The following PDZRN3 variants were observed in gnomAD, a reference collection of about 807,000 sequenced individuals.
The protein encoded by PDZRN3 is E3 ubiquitin-protein ligase PDZRN3.
In PDZRN3, 38 loss-of-function variants were observed where a neutral mutation model predicts 85.7. The observed-to-expected ratio is 0.44, with a 90% CI of 0.34 to 0.58. The LOEUF (loss-of-function observed/expected upper bound fraction) is 0.58, where lower values mean the gene tolerates loss of function less well. PDZRN3 is among the 20% of genes least tolerant of loss of function. PDZRN3 has a pLI of 0.01. For synonymous variants in PDZRN3, 759 were observed against 638.0 expected (o/e 1.19, Z -2.86); for missense variants, 1,629 against 1,506.4 (o/e 1.08, Z -1.35).
intron 3 of PDZRN3, among the ~76,000 whole-genome samples, chr3:73,559,518 C>T (rs914685888): frequency 9.2e-5 from 14 of 152,164 alleles, no homozygotes; most frequent in Middle Eastern, 3.2e-3. Flanking sequence ...GTGTCTTAAA[C>T]GGCTCTCACA....
At chr3:73,515,565 T>C (rs943852299) in intron 3 of PDZRN3, among the ~76,000 whole-genome samples, 1 of 152,200 alleles carries the variant, frequency 6.6e-6, no homozygotes, top group Non-Finnish European at 1.5e-5. Context: ...ATCCACCCGT[T>C]ACAGAATCTC....
At chr3:73,506,655 C>T (rs1704074507) in intron 3 of PDZRN3, among the ~76,000 whole-genome samples, 1 of 152,136 alleles carries the variant, frequency 6.6e-6, no homozygotes, top group Non-Finnish European at 1.5e-5. Context: ...GCAATAGTCA[C>T]AACTTTTCTG....
chr3:73,456,389 A>G (rs1702978053), intron 3 of PDZRN3, among the ~76,000 whole-genome samples: 1 of 152,254 alleles, frequency 6.6e-6, no homozygotes, highest in Non-Finnish European at 1.5e-5. Context: ...AAGTGAGCCA[A>G]TCTTATTCTT....
intron 5 of PDZRN3, 88 bp downstream of exon 5, chr3:73,400,834 T>G (rs547378302): frequency 3.2e-6 from 3 of 951,152 alleles, no homozygotes; most frequent in Non-Finnish European, 5.2e-6. Context: ...TCGGCATCCG[T>G]AAACTAATTT....
chr3:73,573,573 A>G (rs6765352), intron 3 of PDZRN3, among the ~76,000 whole-genome samples: 120,587 of 152,084 alleles, frequency 0.79, 48,996 homozygotes, highest in East Asian at 0.89. Flanking sequence ...AGCTGCAACA[A>G]AGACTGCATG....
chr3:73,563,013 A>ATATATATATATATATATTTTT (rs1187151191), intron 3 of PDZRN3, among the ~76,000 whole-genome samples: 1 of 43,762 alleles, frequency 2.3e-5, no homozygotes, highest in Non-Finnish European at 3.7e-5. Context: ...ATATATATAT[A>ATATATATATATATATATTTTT]TTTTTTTTTT....
intron 1 of PDZRN3, among the ~76,000 whole-genome samples, chr3:73,618,118 C>A (rs1057457394): frequency 6.6e-6 from 1 of 152,152 alleles, no homozygotes. Flanking sequence ...GACCAGAAGC[C>A]AACAGGCAAA....
At chr3:73,387,108 G>C (rs529083285) in intron 8 of PDZRN3, among the ~76,000 whole-genome samples, 1 of 152,196 alleles carries the variant, frequency 6.6e-6, no homozygotes, top group Non-Finnish European at 1.5e-5. Context: ...CACGTAAGAC[G>C]TGCCTTTTGC....
At chr3:73,479,638 T>C (rs1440963109) in intron 3 of PDZRN3, among the ~76,000 whole-genome samples, 1 of 152,162 alleles carries the variant, frequency 6.6e-6, no homozygotes, top group African/African-American at 2.4e-5. Flanking sequence ...GGCCCAAGCC[T>C]TTCCCTTTTC....
chr3:73,551,688 C>CAAAA (rs71126878), intron 3 of PDZRN3, among the ~76,000 whole-genome samples: 2 of 104,586 alleles, frequency 1.9e-5, no homozygotes, highest in African/African-American at 3.6e-5. Context: ...GACCCTGTTT[C>CAAAA]AAAAAAAAAA....
At chr3:73,389,789 G>T in intron 7 of PDZRN3, 27 bp downstream of exon 7, 1 of 1,549,780 alleles carries the variant, frequency 6.5e-7, no homozygotes, top group Non-Finnish European at 8.9e-7. Context: ...GGCCCATCAT[G>T]AGGCCATTGT....
intron 3 of PDZRN3, among the ~76,000 whole-genome samples, chr3:73,504,162 C>G (rs529975925): frequency 6.6e-6 from 1 of 152,256 alleles, no homozygotes; most frequent in East Asian, 1.9e-4. Context: ...ACCTGATGTA[C>G]CTCATTCTCA....
At chr3:73,437,319 GA>G (rs1702549543) in intron 3 of PDZRN3, among the ~76,000 whole-genome samples, 1 of 152,184 alleles carries the variant, frequency 6.6e-6, no homozygotes. Flanking sequence ...AAGATAGCTA[GA>G]TTTTCACATT....
intron 3 of PDZRN3, among the ~76,000 whole-genome samples, chr3:73,564,110 T>C (rs1218982342): frequency 6.6e-6 from 1 of 152,228 alleles, no homozygotes; most frequent in East Asian, 1.9e-4. Flanking sequence ...TCATGCCTTC[T>C]GTAGCCAAAC....
chr3:73,423,465 G>C (rs1702241954), intron 3 of PDZRN3, among the ~76,000 whole-genome samples: 1 of 152,184 alleles, frequency 6.6e-6, no homozygotes, highest in Admixed American at 6.5e-5. Flanking sequence ...TTAGTGCTGT[G>C]AATAGTAAGC....
intron 3 of PDZRN3, among the ~76,000 whole-genome samples, chr3:73,588,164 A>C (rs1308147902): frequency 6.6e-6 from 1 of 151,974 alleles, no homozygotes; most frequent in East Asian, 1.9e-4. Context: ...ACTCCTACTC[A>C]TGAGTGAGAA....
intron 3 of PDZRN3, among the ~76,000 whole-genome samples, chr3:73,546,871 C>T (rs1054545087): frequency 6.6e-5 from 10 of 152,196 alleles, no homozygotes; most frequent in African/African-American, 2.2e-4. Flanking sequence ...TTTTTTATTA[C>T]ACCGTATGCA....
At chr3:73,482,367 A>G (rs1049206310) in intron 3 of PDZRN3, among the ~76,000 whole-genome samples, 5 of 152,210 alleles carry the variant, frequency 3.3e-5, no homozygotes, top group African/African-American at 1.2e-4. Flanking sequence ...AGAAAAGGAG[A>G]TAAATCCACT....
chr3:73,620,784 G>A (rs1702846542), intron 1 of PDZRN3, among the ~76,000 whole-genome samples: 1 of 152,096 alleles, frequency 6.6e-6, no homozygotes, highest in Admixed American at 6.5e-5. Flanking sequence ...CACCGTGTTA[G>A]CCAGGATGGT....
Sources: gnomAD v4.1 joint callset for allele counts (sites outside exome capture counted in the v4.1 genomes callset) on GRCh38, gnomAD v4.1.1 for gene constraint, MANE v1.5 for transcripts, NCBI Gene and HGNC (gene_info 2026-07-23, HGNC 2026-07-21) for gene names.